FBH1: variants seen among roughly 807,000 people sequenced by gnomAD.
FBH1 encodes the protein F-box DNA helicase 1.
A neutral mutation model predicts 115.5 loss-of-function variants in FBH1; 43 were observed. The observed-to-expected ratio is 0.37, with a 90% CI of 0.29 to 0.48. The LOEUF is 0.48. Ranked by LOEUF, FBH1 falls within the 20% of genes least tolerant of loss-of-function variation. The pLI, the probability that FBH1 is intolerant of heterozygous loss-of-function variation, is 0.99. For synonymous variants in FBH1, 524 were observed against 507.8 expected (o/e 1.03, Z -0.43); for missense variants, 1,001 against 1,337.3 (o/e 0.75, Z 3.92).
Position 5,917,789 on chromosome 10 carries a change from GAGGATCTTCATACTTACCTT to G in FBH1, c.1963+119_1963+138del. On this transcript the variant is annotated intron_variant, in intron 12 of 20. Transcript: ENST00000362091. This position sits in a 1 kb window ranked among gnomAD's most constrained non-coding sequence, Gnocchi z 5.6. The stretch of plus-strand genomic sequence containing the variant: ...GATTATTATTATTTGTGATAAAGAA[GAGGATCTTCATACTTACCTT>G]AGGATTTCAAGCTGCCCCTTCCCCT... The G allele has an allele frequency of 1.1e-6, 1 of 872,338 alleles. No homozygotes were observed. 54.0% of individuals were successfully genotyped at this position (872,338 alleles called of 1,614,324 possible).
At chr10:5,928,108 TG>T (rs1832761136) in intron 19 of FBH1, among the ~76,000 whole-genome samples, 1 of 137,614 alleles carries the variant, frequency 7.3e-6, no homozygotes, top group Non-Finnish European at 1.6e-5. Context: ...ATACCAGCAG[TG>T]GTCATGTATT....
Position 5,913,738 on chromosome 10 carries a change from T to G in FBH1, c.1212-9T>G. 1.3e-6 allele frequency: 2 copies of G among 1,533,048 alleles called. No individual in the cohort carries two copies. The highest frequency in any genetic ancestry group is 3.4e-4 in the Middle Eastern group (2 of 5,822). 95.0% of individuals were successfully genotyped at this position (1,533,048 alleles called of 1,614,324 possible). On this transcript the variant is annotated splice_polypyrimidine_tract_variant and intron_variant, in intron 6 of 20. Transcript: ENST00000362091. This position sits in a 1 kb window ranked among gnomAD's most constrained non-coding sequence, Gnocchi z 4.4. Reference sequence around the variant, plus strand: ...TGAGACTTTCTAAATCTACTTTTTTTTCTGGTAGGATTCACTACAACATTT... The same window carrying G: ...TGAGACTTTCTAAATCTACTTTTTTGTCTGGTAGGATTCACTACAACATTT...
rs772713314 is a variant in FBH1, at chr10:5,909,460, A to C, written c.1020+166A>C. On this transcript the variant is annotated intron_variant, in intron 5 of 20. Coordinates refer to ENST00000362091, the MANE Select transcript of FBH1 (RefSeq NM_178150.3). The surrounding 1 kb of genome is among the most constrained non-coding windows in gnomAD (Gnocchi z 4.4). ...TTGTCATTGTCCCCAGTGGAGAAAT[A>C]AAAGGCCATATAATTGTAGAGTCTT... The C allele has an allele frequency of 9.4e-6, 7 of 748,648 alleles. No homozygotes were observed. Among genetic ancestry groups the C allele is most frequent in the Non-Finnish European group, 1.4e-5 (7 of 484,082 alleles). The allele number at this position is 748,648 out of a possible 1,614,324, so 46.4% of individuals were successfully genotyped here.
chr10:5,909,242 A>T lies in FBH1; in HGVS notation c.968A>T (p.Glu323Val). 1 of 1,613,050 alleles carries T rather than the reference A, an allele frequency of 6.2e-7. No homozygotes were observed. Among genetic ancestry groups the T allele is most frequent in the Non-Finnish European group, 8.5e-7 (1 of 1,179,986 alleles). Reference protein sequence around the residue: ...WSLRDHPLLPEAEACVRQHLP... With the variant: ...WSLRDHPLLPVAEACVRQHLP... Reference sequence around the variant, plus strand: ...CTGAGGGACCACCCCCTCCTCCCCGAGGCTGAGGCGTGTGTGCGGCAACAC... The same window carrying T: ...CTGAGGGACCACCCCCTCCTCCCCGTGGCTGAGGCGTGTGTGCGGCAACAC... Residue 323 changes from glutamate (E) to valine (V), a missense_variant, in exon 5 of 21, where the codon GAG (glutamate) becomes GTG (valine). Physicochemically the swap from Glu to Val is moderately radical, Grantham distance 121. Around this residue, in one of 4 missense-constraint regions of FBH1, gnomAD observed 420 missense variants for 430.4 expected, o/e 0.98. Transcript: ENST00000362091. This position sits in a 1 kb window ranked among gnomAD's most constrained non-coding sequence, Gnocchi z 4.4.
Position 5,914,066 on chromosome 10 carries a change from T to C in FBH1, c.1305-112T>C. 9.3e-7 allele frequency: 1 copy of C among 1,080,428 alleles called. No individual in the cohort carries two copies. The allele number at this position is 1,080,428 out of a possible 1,614,324, so 66.9% of individuals were successfully genotyped here. On this transcript the variant is annotated intron_variant, in intron 7 of 20. Transcript: ENST00000362091. The surrounding 1 kb of genome is among the most constrained non-coding windows in gnomAD (Gnocchi z 5.2). ...TTTATTCTCGTAAGGGGAGGCCTTT[T>C]TTTTGGTCAGCTTTTGTTTATCCAG...
intron 1 of FBH1, among the ~76,000 whole-genome samples, chr10:5,892,835 T>A (rs1263107214): frequency 6.6e-6 from 1 of 152,258 alleles, no homozygotes; most frequent in Non-Finnish European, 1.5e-5. Context: ...AACAAAGCCA[T>A]GTTCTTATGC....
In FBH1 at chr10:5,903,313, T is replaced by C. The variant is rs1053694741; in HGVS notation, c.157+138T>C. On this transcript the variant is annotated intron_variant, in intron 2 of 20. Transcript: ENST00000362091. ...ATGCAATAGCTTGACACTTTTTTTA[T>C]TGTGAGTTTTCCATGAAGTTTTTTT... is the stretch of plus-strand genomic sequence containing the variant. 3.3e-5 allele frequency: 20 copies of C among 598,348 alleles called. No individual in the cohort carries two copies. In the African/African-American group the frequency reaches 3.9e-4, roughly 12 times the overall value. 37.1% of individuals were successfully genotyped at this position (598,348 alleles called of 1,614,324 possible).
At chr10:5,929,388 A>T (rs775527416) in intron 19 of FBH1, 2 of 152,192 alleles carry the variant, frequency 1.3e-5, no homozygotes, top group African/African-American at 2.4e-5. Context: ...TCTCTTAGGT[A>T]GGCTGACTTG....
chr10:5,930,326 G>A (rs1832895914), intron 19 of FBH1, among the ~76,000 whole-genome samples: 1 of 152,230 alleles, frequency 6.6e-6, no homozygotes, highest in South Asian at 2.1e-4. Context: ...TGTCTCTTAA[G>A]TTAAATAGAG....
chr10:5,915,381 C>T lies in FBH1; in HGVS notation c.1397-22C>T. On this transcript the variant is annotated intron_variant, in intron 8 of 20. Transcript: ENST00000362091. This position sits in a 1 kb window ranked among gnomAD's most constrained non-coding sequence, Gnocchi z 5.2. ...GTCTTGTCTGGTCAGAGGGTCACCT[C>T]CTTTCCTCCTGGCTTCCCCAGGCAC... 6.2e-7 allele frequency: 1 copy of T among 1,613,308 alleles called. No homozygotes were observed. The highest frequency in any genetic ancestry group is 2.2e-5 in the East Asian group (1 of 44,862).
intron 6 of FBH1, among the ~76,000 whole-genome samples, chr10:5,912,700 G>A (rs1831677650): frequency 6.6e-6 from 1 of 152,232 alleles, no homozygotes; most frequent in Non-Finnish European, 1.5e-5. Context: ...ACAGGGTGGA[G>A]AGAACACTGG....
chr10:5,926,852 A>T (rs1832681611), intron 18 of FBH1, among the ~76,000 whole-genome samples: 1 of 152,176 alleles, frequency 6.6e-6, no homozygotes. Flanking sequence ...AGTTCCTGCC[A>T]TTGTGTAGTG....
rs771257652 is a variant in FBH1, at chr10:5,923,025, G to A, written c.2323-596G>A. Reference sequence around the variant, plus strand: ...GGCCTCCTGACTAGCTGGGACCATAGGCGCCTGCCACCACACCCGGCTAAT... The same window carrying A: ...GGCCTCCTGACTAGCTGGGACCATAAGCGCCTGCCACCACACCCGGCTAAT... On this transcript the variant is annotated intron_variant, in intron 15 of 20. Coordinates refer to ENST00000362091, the MANE Select transcript of FBH1 (RefSeq NM_178150.3). The surrounding 1 kb of genome is among the most constrained non-coding windows in gnomAD (Gnocchi z 5.7). Among the ~76,000 whole-genome samples, 24 of 152,106 alleles carry A rather than the reference G, an allele frequency of 1.6e-4. No individual in the cohort carries two copies. The highest frequency in any genetic ancestry group is 3.2e-4 in the Non-Finnish European group (22 of 68,018).
In FBH1 at chr10:5,907,943, G is replaced by C. The variant is rs527705096; in HGVS notation, c.754-982G>C. ...GTGGCCTAACAGGTGATCTATCCTG[G>C]AGAATGTTTCATGTGCCCTTGAGAG... On this transcript the variant is annotated intron_variant, in intron 3 of 20. Coordinates refer to ENST00000362091, the MANE Select transcript of FBH1 (RefSeq NM_178150.3). Among the ~76,000 whole-genome samples the C allele has an allele frequency of 1.4e-3, 208 of 152,292 alleles. 1 individual carries two copies. Among genetic ancestry groups the C allele is most frequent in the Non-Finnish European group, 2.5e-3 (172 of 68,028 alleles).
chr10:5,891,359 A>C (rs1020996677), intron 1 of FBH1, among the ~76,000 whole-genome samples: 1 of 152,128 alleles, frequency 6.6e-6, no homozygotes, highest in African/African-American at 2.4e-5. Context: ...GTGCCTTGTC[A>C]CTCCAGCAAA....
chr10:5,909,138 T>C lies in FBH1; in HGVS notation c.885-21T>C, dbSNP rs142980495. ...GCTTATGGTCACCCTACTCATGGCC[T>C]CTCCTGTGAATGTCTTACAGATACA... On this transcript the variant is annotated intron_variant, in intron 4 of 20. Transcript: ENST00000362091. The surrounding 1 kb of genome is among the most constrained non-coding windows in gnomAD (Gnocchi z 4.4). 5 of 1,613,424 alleles carry C rather than the reference T, an allele frequency of 3.1e-6. No individual in the cohort carries two copies. The highest frequency in any genetic ancestry group is 2.2e-5 in the East Asian group (1 of 44,866).
chr10:5,922,428 A>C (rs1246684353), intron 15 of FBH1, among the ~76,000 whole-genome samples: 1 of 152,174 alleles, frequency 6.6e-6, no homozygotes, highest in African/African-American at 2.4e-5. Context: ...TTTCATTAGT[A>C]CTTTGATGAC....
At chr10:5,926,164 A>G (rs1464498498) in intron 18 of FBH1, among the ~76,000 whole-genome samples, 9 of 152,178 alleles carry the variant, frequency 5.9e-5, no homozygotes. Context: ...TCTGTCACCC[A>G]GGCTGGAGTG....
Position 5,909,398 on chromosome 10 carries a change from T to G in FBH1, c.1020+104T>G. The stretch of plus-strand genomic sequence containing the variant: ...GATGACTTTATATTTATTTTTAATG[T>G]CTGTATTTAATCTCTGAATGCTTTG... On this transcript the variant is annotated intron_variant, in intron 5 of 20. Coordinates refer to ENST00000362091, the MANE Select transcript of FBH1 (RefSeq NM_178150.3). The surrounding 1 kb of genome is among the most constrained non-coding windows in gnomAD (Gnocchi z 4.4). 1 of 1,321,040 alleles carries G rather than the reference T, an allele frequency of 7.6e-7. No individual in the cohort carries two copies. The highest frequency in any genetic ancestry group is 1.0e-6 in the Non-Finnish European group (1 of 984,298). The allele number at this position is 1,321,040 out of a possible 1,614,324, so 81.8% of individuals were successfully genotyped here. A position where few individuals can be genotyped will look rare whatever the true frequency, so the allele number is the denominator to read the frequency against.
Sources: allele counts gnomAD v4.1 joint callset (sites outside exome capture counted in the v4.1 genomes callset), GRCh38; gene constraint gnomAD v4.1.1; regional missense constraint gnomAD v4.1.1; non-coding constraint Gnocchi (gnomAD v3.1); transcripts MANE v1.5; gene names NCBI Gene and HGNC (gene_info 2026-07-23, HGNC 2026-07-21).